The following TGFB1 variants were observed in gnomAD, a reference collection of about 807,000 sequenced individuals.
The protein encoded by TGFB1 is transforming growth factor beta 1.
TGFB1 carries 19 observed loss-of-function variants against 43.8 expected under a neutral mutation model. The observed-to-expected ratio is 0.43, with a 90% CI of 0.30 to 0.64. The LOEUF (loss-of-function observed/expected upper bound fraction) is 0.64. Ranked by LOEUF, TGFB1 falls within the 30% of genes least tolerant of loss-of-function variation. TGFB1 has a pLI of 0.11. For synonymous variants in TGFB1, 221 were observed against 236.3 expected (o/e 0.94, Z 0.60); for missense variants, 445 against 529.8 (o/e 0.84, Z 1.57).
chr19:41,351,695 C>G (rs1273604525), intron 1 of TGFB1, among the ~76,000 whole-genome samples: 1 of 152,138 alleles, frequency 6.6e-6, no homozygotes, highest in African/African-American at 2.4e-5. Flanking sequence ...GGCTTTCTCA[C>G]TCCTCCCAGC....
At chr19:41,339,502 T>C (rs2038028125) in intron 5 of TGFB1, among the ~76,000 whole-genome samples, 1 of 151,808 alleles carries the variant, frequency 6.6e-6, no homozygotes, top group Admixed American at 6.6e-5. Context: ...TATCTCCCTT[T>C]GTAATGTCAG....
At chr19:41,337,681 C>T (rs1310603382) in intron 5 of TGFB1, among the ~76,000 whole-genome samples, 36 of 152,068 alleles carry the variant, frequency 2.4e-4, no homozygotes, top group Admixed American at 2.4e-3. Flanking sequence ...TGGGTTTGAA[C>T]TACATGGGTC....
rs1484272909 is a variant in TGFB1 at position 41,353,834 on chromosome 19, C to G, written c.-790G>C. On this transcript the variant is annotated 5_prime_UTR_variant, in exon 1 of 7. Transcript: ENST00000221930. This position sits in a 1 kb window ranked among gnomAD's most constrained non-coding sequence, Gnocchi z 5.9. ...GGGGTGCCCCGGACGGGGCGTCCCCCCTGCCCCCGGCCGGGGCCCTCGCTG... is the reference window on the plus strand; with the variant it reads ...GGGGTGCCCCGGACGGGGCGTCCCCGCTGCCCCCGGCCGGGGCCCTCGCTG... The G allele has an allele frequency of 6.5e-6, 1 of 154,422 alleles. No homozygotes were observed. The highest frequency in any genetic ancestry group is 1.4e-5 in the Non-Finnish European group (1 of 69,768). The allele number at this position is 154,422 out of a possible 1,614,324, so 9.6% of individuals were successfully genotyped here.
chr19:41,333,209 ATTT>A (rs1161079448), intron 5 of TGFB1, among the ~76,000 whole-genome samples: 7 of 86,376 alleles, frequency 8.1e-5, no homozygotes, highest in African/African-American at 2.1e-4. Context: ...TTTTTTTTCT[ATTT>A]TTTTTTTTTT....
Position 41,352,911 on chromosome 19 carries a change from C to T in TGFB1, c.134G>A (p.Arg45His), listed in dbSNP as rs1426842480. The T allele has an allele frequency of 1.3e-6, 2 of 1,557,724 alleles. No individual in the cohort carries two copies. Among genetic ancestry groups the T allele is most frequent in the Non-Finnish European group, 1.7e-6 (2 of 1,152,496 alleles). The change falls in exon 1 of 7, where the codon CGC becomes CAC. Residue 45 changes from arginine to histidine, a missense_variant. Coordinates refer to ENST00000221930, the MANE Select transcript of TGFB1 (RefSeq NM_000660.7). ...GATCTGGCCGCGGATGGCCTCGATG[C>T]GCTTCCGCTTCACCAGCTCCATGTC... is the stretch of plus-strand genomic sequence containing the variant. ...TIDMELVKRK[R>H]IEAIRGQILS...
intron 1 of TGFB1, 144 bp from the exon 2 acceptor site, chr19:41,348,599 A>C (rs2038145688): frequency 3.6e-6 from 1 of 277,616 alleles, no homozygotes; most frequent in African/African-American, 2.3e-5. Flanking sequence ...TTATTTATTT[A>C]TTTATTTATT....
Position 41,353,140 on chromosome 19 carries a change from A to T in TGFB1, c.-96T>A, listed in dbSNP as rs1599899400. The T allele has an allele frequency of 3.6e-6, 5 of 1,400,674 alleles. No individual in the cohort carries two copies. In the East Asian group the frequency reaches 1.3e-4, roughly 38 times the overall value. The allele number at this position is 1,400,674 out of a possible 1,614,324, so 86.8% of individuals were successfully genotyped here. A position where few individuals can be genotyped will look rare whatever the true frequency, so the allele number is the denominator to read the frequency against. ...TGCAGGGGCTGGGGGTCTCCCGGCA[A>T]AAGGTAGGAGGGCCTCGAGGGAAAG... On this transcript the variant is annotated 5_prime_UTR_variant, in exon 1 of 7. In the 5' UTR this introduces an upstream ATG that the reference lacks. Coordinates refer to ENST00000221930, the MANE Select transcript of TGFB1 (RefSeq NM_000660.7). This position sits in a 1 kb window ranked among gnomAD's most constrained non-coding sequence, Gnocchi z 5.9.
chr19:41,340,556 T>C (rs973149414), intron 5 of TGFB1, among the ~76,000 whole-genome samples: 8 of 152,114 alleles, frequency 5.3e-5, no homozygotes, highest in Non-Finnish European at 1.0e-4. Flanking sequence ...GCTGGAATTA[T>C]AGGCGTGAGC....
intron 5 of TGFB1, among the ~76,000 whole-genome samples, chr19:41,338,869 G>T (rs1224441313): frequency 6.6e-6 from 1 of 151,914 alleles, no homozygotes; most frequent in Non-Finnish European, 1.5e-5. Context: ...AACTGTTTAT[G>T]TTGTGGATAA....
At chr19:41,332,097 C>T (rs748137756) in intron 6 of TGFB1, 31 bp downstream of exon 6, 22 of 1,601,840 alleles carry the variant, frequency 1.4e-5, no homozygotes, top group Admixed American at 1.7e-5. Context: ...TCCCCCCAAG[C>T]GCATCTCGTA....
chr19:41,349,461 C>T (rs373341910), intron 1 of TGFB1, among the ~76,000 whole-genome samples: 51 of 152,220 alleles, frequency 3.4e-4, no homozygotes, highest in African/African-American at 1.1e-3. Flanking sequence ...ATCATGTATA[C>T]GTCTAAGAGT....
At chr19:41,352,343 A>ACCCCCCCCCCCC (rs11307639) in intron 1 of TGFB1, among the ~76,000 whole-genome samples, 1 of 83,502 alleles carries the variant, frequency 1.2e-5, no homozygotes, top group Admixed American at 1.4e-4. Context: ...GCACCCCACG[A>ACCCCCCCCCCCC]CCCCCCCCCC....
At position 41,341,466 on chromosome 19, in the gene TGFB1, C is replaced by CAA. The variant is rs770264069; in HGVS notation, c.860+415_860+416dup. Among the ~76,000 whole-genome samples the CAA allele has an allele frequency of 3.0e-3, 105 of 35,416 alleles. 5 individuals are homozygous for CAA. The highest frequency in any genetic ancestry group is 4.3e-3 in the East Asian group (4 of 930). The allele number at this position is 35,416 out of a possible 152,430, so 23.2% of individuals were successfully genotyped here. On this transcript the variant is annotated intron_variant, in intron 5 of 6. Coordinates refer to ENST00000221930, the MANE Select transcript of TGFB1 (RefSeq NM_000660.7). ...CAGGTGACAGAGCGAGACTCTGTCTCAAAAAAAAAAAAAAAAAAAAAAAAA... is the reference window on the plus strand; with the variant it reads ...CAGGTGACAGAGCGAGACTCTGTCTCAAAAAAAAAAAAAAAAAAAAAAAAAAA...
Position 41,332,185 on chromosome 19 carries a change from G to C in TGFB1, c.957C>G (p.Ala319=), listed in dbSNP as rs201366321. Residue 319 remains alanine, a synonymous_variant, in exon 6 of 7, where the codon GCC becomes GCG. Transcript: ENST00000221930. ...AGGGGCAGGGCCCGAGGCAGAAGTT[G>C]GCATGGTAGCCCTTGGGCTCGTGGA... ...KWIHEPKGYH[A]NFCLGPCPYI... 1.8e-5 allele frequency: 29 copies of C among 1,614,040 alleles called. No homozygotes were observed. In the Middle Eastern group the frequency reaches 4.9e-4, roughly 27 times the overall value.
chr19:41,340,254 T>C lies in TGFB1; in HGVS notation c.860+1629A>G, dbSNP rs1292372626. The stretch of plus-strand genomic sequence containing the variant: ...GGTTCAAACTGACACTTTCTTTCTT[T>C]TTTTTTTTTTTTTTTTTTTTTAGAT... On this transcript the variant is annotated intron_variant, in intron 5 of 6. Coordinates refer to ENST00000221930, the MANE Select transcript of TGFB1 (RefSeq NM_000660.7). Among the ~76,000 whole-genome samples the C allele has an allele frequency of 1.2e-4, 6 of 48,064 alleles. No individual in the cohort carries two copies. The East Asian group carries it at 0.01, about 80-fold the overall frequency. The allele number at this position is 48,064 out of a possible 152,430, so 31.5% of individuals were successfully genotyped here.
chr19:41,350,233 G>A (rs1368970116), intron 1 of TGFB1, among the ~76,000 whole-genome samples: 1 of 151,836 alleles, frequency 6.6e-6, no homozygotes. Context: ...TCCCCAGCTG[G>A]TTAGGGAAAG....
rs1236641357 is a variant in TGFB1 at position 41,330,561 on chromosome 19, T to A, written c.*491A>T. 6.5e-6 allele frequency: 1 copy of A among 153,890 alleles called. No individual in the cohort carries two copies. Among genetic ancestry groups the A allele is most frequent in the Non-Finnish European group, 1.4e-5 (1 of 69,012 alleles). The allele number at this position is 153,890 out of a possible 1,614,324, so 9.5% of individuals were successfully genotyped here. On this transcript the variant is annotated 3_prime_UTR_variant, in exon 7 of 7. Coordinates refer to ENST00000221930, the MANE Select transcript of TGFB1 (RefSeq NM_000660.7). ...GAACTACTATCTTTTATTGTCTTCT[T>A]CACTATCCCCCACTAAAGCAGGTTC...
intron 3 of TGFB1, 64 bp from the exon 4 acceptor site, chr19:41,342,311 G>T: frequency 6.5e-7 from 1 of 1,529,570 alleles, no homozygotes; most frequent in South Asian, 1.2e-5. Flanking sequence ...TGGAGGAAGA[G>T]GAAGGAAGGA....
Position 41,331,038 on chromosome 19 carries a change from G to GGCGGC in TGFB1, c.*13_*14insGCCGC. The stretch of plus-strand genomic sequence containing the variant: ...GGCCGGGCCTGCCGGGGCGGGGCGG[G>GGCGGC]GCGGGGCGGGACCTCAGCTGCACTT... On this transcript the variant is annotated 3_prime_UTR_variant, in exon 7 of 7. Transcript: ENST00000221930. 1 of 1,532,308 alleles carries GGCGGC rather than the reference G, an allele frequency of 6.5e-7. No individual in the cohort carries two copies. Among genetic ancestry groups the GGCGGC allele is most frequent in the Non-Finnish European group, 8.8e-7 (1 of 1,141,650 alleles). The allele number at this position is 1,532,308 out of a possible 1,614,324, so 94.9% of individuals were successfully genotyped here.
Sources: allele counts gnomAD v4.1 joint callset (sites outside exome capture counted in the v4.1 genomes callset), GRCh38; gene constraint gnomAD v4.1.1; non-coding constraint Gnocchi (gnomAD v3.1); transcripts MANE v1.5; gene names NCBI Gene and HGNC (gene_info 2026-07-23, HGNC 2026-07-21).